Variants in HPSE2 observed in about 807,000 individuals in gnomAD.
The protein encoded by HPSE2 is inactive heparanase-2.
In HPSE2, 38 loss-of-function variants were observed where a neutral mutation model predicts 60.5. That is an observed-to-expected ratio of 0.63 (90% confidence interval 0.48 to 0.82). The LOEUF (loss-of-function observed/expected upper bound fraction) is 0.82. Among genes scored for constraint, HPSE2 ranks in the 40% least tolerant of loss-of-function variants. The pLI, the probability that HPSE2 is intolerant of heterozygous loss-of-function variation, is 0.00. For synonymous variants in HPSE2, 295 were observed against 293.2 expected, an observed-to-expected ratio of 1.01 and a Z score of -0.06; for missense variants, 713 against 740.4, an observed-to-expected ratio of 0.96 and a Z score of 0.43.
intron 2 of HPSE2, among the ~76,000 whole-genome samples, chr10:99,168,126 A>G (rs1474356908): frequency 1.4e-5 from 2 of 142,954 alleles, no homozygotes; most frequent in African/African-American, 2.5e-5. Flanking sequence ...ACACACACAC[A>G]CGGCTTTGTA....
intron 3 of HPSE2, among the ~76,000 whole-genome samples, chr10:98,776,251 G>T (rs1260110296): frequency 1.4e-5 from 2 of 145,774 alleles, no homozygotes; most frequent in East Asian, 4.2e-4. Flanking sequence ...TGACCAACAT[G>T]GTGAAACCCC....
At chr10:98,820,446 A>G (rs1027324839) in intron 3 of HPSE2, among the ~76,000 whole-genome samples, 9 of 152,132 alleles carry the variant, frequency 5.9e-5, no homozygotes, top group African/African-American at 2.2e-4. Flanking sequence ...AGACTATTAC[A>G]AAGGAGATAG....
At chr10:99,015,783 C>T (rs982525267) in intron 3 of HPSE2, among the ~76,000 whole-genome samples, 4 of 151,902 alleles carry the variant, frequency 2.6e-5, no homozygotes, top group East Asian at 1.9e-4. Context: ...CTAACCTGCA[C>T]GTTGTGCACA....
chr10:98,949,926 A>G (rs1955304871), intron 3 of HPSE2, among the ~76,000 whole-genome samples: 2 of 152,222 alleles, frequency 1.3e-5, no homozygotes, highest in African/African-American at 4.8e-5. Context: ...AACAAAAATG[A>G]TAACAGCATT....
intron 3 of HPSE2, among the ~76,000 whole-genome samples, chr10:99,035,557 TAACATA>T (rs1957591505): frequency 6.6e-6 from 1 of 152,216 alleles, no homozygotes; most frequent in Non-Finnish European, 1.5e-5. Context: ...CGTAAACCAG[TAACATA>T]ATCATTTATT....
At chr10:98,924,541 A>G (rs1271444201) in intron 3 of HPSE2, 1 of 152,218 alleles carries the variant, frequency 6.6e-6, no homozygotes, top group Non-Finnish European at 1.5e-5. Flanking sequence ...CTGAACCACA[A>G]TACAAAGTCC....
intron 9 of HPSE2, among the ~76,000 whole-genome samples, chr10:98,516,264 C>T (rs1480996538): frequency 2.0e-5 from 3 of 152,128 alleles, no homozygotes; most frequent in East Asian, 1.9e-4. Context: ...TGAAACTCAG[C>T]GACAGAAAGC....
intron 3 of HPSE2, among the ~76,000 whole-genome samples, chr10:99,115,926 A>C (rs929128130): frequency 2.0e-5 from 3 of 152,208 alleles, no homozygotes; most frequent in Non-Finnish European, 4.4e-5. Context: ...TTTTACACAG[A>C]CATTCCATTG....
At chr10:99,174,354 A>C (rs896710081) in intron 2 of HPSE2, among the ~76,000 whole-genome samples, 8 of 152,200 alleles carry the variant, frequency 5.3e-5, no homozygotes, top group African/African-American at 1.2e-4. Context: ...AACTATATTT[A>C]AGTTCCTTAA....
intron 3 of HPSE2, among the ~76,000 whole-genome samples, chr10:98,996,773 C>T (rs1956650247): frequency 6.6e-6 from 1 of 152,152 alleles, no homozygotes; most frequent in East Asian, 1.9e-4. Context: ...CAAAAAAGTA[C>T]ATGCTACATG....
At chr10:98,930,903 T>C (rs12573148) in intron 3 of HPSE2, among the ~76,000 whole-genome samples, 4,548 of 144,312 alleles carry the variant, frequency 0.032, 747 homozygotes, top group East Asian at 0.17. Flanking sequence ...AAAAATTTCC[T>C]CCCATTCCAT....
intron 3 of HPSE2, among the ~76,000 whole-genome samples, chr10:99,010,418 T>C (rs1177867851): frequency 6.6e-6 from 1 of 152,180 alleles, no homozygotes; most frequent in African/African-American, 2.4e-5. Flanking sequence ...AATTGCAGCC[T>C]TGTGAAAGAG....
chr10:98,897,854 T>C (rs937854396), intron 3 of HPSE2, among the ~76,000 whole-genome samples: 5 of 152,108 alleles, frequency 3.3e-5, no homozygotes, highest in African/African-American at 1.2e-4. Flanking sequence ...TTAGCCTTTA[T>C]TAAAATTGAA....
At chr10:99,134,081 A>C (rs916755015) in intron 3 of HPSE2, among the ~76,000 whole-genome samples, 1 of 152,252 alleles carries the variant, frequency 6.6e-6, no homozygotes, top group Non-Finnish European at 1.5e-5. Context: ...AAGCATACAC[A>C]AGTTTCAATA....
chr10:98,667,400 G>A (rs920150756), intron 6 of HPSE2, among the ~76,000 whole-genome samples: 13 of 152,104 alleles, frequency 8.5e-5, no homozygotes, highest in South Asian at 6.2e-4. Flanking sequence ...AAATAAAGGC[G>A]GAGGATCTCC....
At chr10:98,877,977 T>C (rs1173427952) in intron 3 of HPSE2, among the ~76,000 whole-genome samples, 1 of 151,794 alleles carries the variant, frequency 6.6e-6, no homozygotes, top group Non-Finnish European at 1.5e-5. Flanking sequence ...CAGGGAGAAA[T>C]AAAATCCAAA....
chr10:98,869,361 A>C (rs981477967), intron 3 of HPSE2, among the ~76,000 whole-genome samples: 5 of 152,184 alleles, frequency 3.3e-5, no homozygotes, highest in African/African-American at 9.7e-5. Context: ...CAAGCATATC[A>C]GAGCCCTAAT....
chr10:98,599,191 G>A (rs1478648241), intron 9 of HPSE2, among the ~76,000 whole-genome samples: 1 of 152,118 alleles, frequency 6.6e-6, no homozygotes, highest in Admixed American at 6.5e-5. Context: ...GTGTCCATGG[G>A]TGTCAGCCTG....
At chr10:98,690,430 A>G (rs1435583449) in intron 6 of HPSE2, among the ~76,000 whole-genome samples, 2 of 152,094 alleles carry the variant, frequency 1.3e-5, no homozygotes, top group African/African-American at 4.8e-5. Flanking sequence ...AGTCCCAGCT[A>G]CTCGGGAGGC....
Sources: gnomAD v4.1 joint callset for allele counts (sites outside exome capture counted in the v4.1 genomes callset) on GRCh38, gnomAD v4.1.1 for gene constraint, MANE v1.5 for transcripts, NCBI Gene and HGNC (gene_info 2026-07-23, HGNC 2026-07-21) for gene names.